Variants in TMC1 observed in about 807,000 individuals in gnomAD.
TMC1 encodes the protein transmembrane channel like 1.
Under a neutral mutation model 105.8 loss-of-function variants are expected in TMC1, and 84 were observed. The observed-to-expected ratio is 0.79, with a 90% CI of 0.67 to 0.95. The LOEUF (loss-of-function observed/expected upper bound fraction) is 0.95, where lower values mean the gene tolerates loss of function less well. TMC1 is among the 40% of genes least tolerant of loss of function. TMC1 has a pLI of 0.00. For synonymous variants in TMC1, 315 were observed against 311.5 expected (o/e 1.01, Z -0.12); for missense variants, 817 against 914.1 (o/e 0.89, Z 1.37).
intron 3 of TMC1, among the ~76,000 whole-genome samples, chr9:72,616,944 T>A (rs1211431475): frequency 6.6e-6 from 1 of 152,196 alleles, no homozygotes; most frequent in Non-Finnish European, 1.5e-5. Flanking sequence ...CTGCTTGCTT[T>A]GACTTTGTAA....
chr9:72,532,345 A>G (rs1317866930), intron 1 of TMC1, among the ~76,000 whole-genome samples: 1 of 151,750 alleles, frequency 6.6e-6, no homozygotes, highest in Non-Finnish European at 1.5e-5. Flanking sequence ...GTTCGAGACC[A>G]GCCTGACCAA....
At position 72,821,343 on chromosome 9, in the gene TMC1, GA is replaced by G. The variant is rs367593296; in HGVS notation, c.2003+271del. Among the ~76,000 whole-genome samples the G allele has an allele frequency of 2.7e-3, 405 of 150,830 alleles. 2 individuals are homozygous for G. Among genetic ancestry groups the G allele is most frequent in the African/African-American group, 8.7e-3 (357 of 41,162 alleles). On this transcript the variant is annotated intron_variant, in intron 20 of 23. Coordinates refer to ENST00000297784, the MANE Select transcript of TMC1 (RefSeq NM_138691.3). ...ACCTCGTCTCTACTAAAAATACAAA[GA>G]AAAAAAAATTAGTCGCGTGTGGTGG...
At chr9:72,641,623 C>G (rs1825629315) in intron 4 of TMC1, among the ~76,000 whole-genome samples, 1 of 152,074 alleles carries the variant, frequency 6.6e-6, no homozygotes, top group Admixed American at 6.6e-5. Flanking sequence ...ATCCTTCTGT[C>G]CCCAAGGTCC....
intron 4 of TMC1, among the ~76,000 whole-genome samples, chr9:72,630,503 G>T (rs72731191): frequency 0.018 from 2,769 of 152,176 alleles, 38 homozygotes; most frequent in Non-Finnish European, 0.027. Flanking sequence ...TTACTGCAGG[G>T]TTTCTTCAAT....
intron 12 of TMC1, among the ~76,000 whole-genome samples, chr9:72,755,812 G>A (rs548057616): frequency 1.3e-5 from 2 of 152,282 alleles, no homozygotes; most frequent in South Asian, 4.1e-4. Context: ...GTGTTAATAT[G>A]TATATCTCAC....
intron 12 of TMC1, among the ~76,000 whole-genome samples, chr9:72,756,510 C>G (rs1341693070): frequency 1.3e-5 from 2 of 152,090 alleles, no homozygotes; most frequent in Non-Finnish European, 2.9e-5. Context: ...CTCCCTTTAT[C>G]CCTCCCTTTA....
rs139102393 is a variant in TMC1, at chr9:72,830,667, G to T, written c.2245G>T (p.Ala749Ser). The T allele has an allele frequency of 7.9e-5, 128 of 1,613,264 alleles. No homozygotes were observed. Among genetic ancestry groups the T allele is most frequent in the Non-Finnish European group, 9.9e-5 (117 of 1,179,718 alleles). The change falls in exon 23 of 24, where the codon GCA becomes TCA. Residue 749 changes from alanine (A) to serine (S), a missense_variant. By Grantham distance (99) the Ala-to-Ser change is moderately conservative. Transcript: ENST00000297784. ...LENKMRNKKM[A>S]AARAAAAAGR... ...GAACAAAATGCGAAACAAGAAAATGGCAGCTGCACGAGCAGGTTGGAGATA... is the reference window on the plus strand; with the variant it reads ...GAACAAAATGCGAAACAAGAAAATGTCAGCTGCACGAGCAGGTTGGAGATA...
intron 2 of TMC1, among the ~76,000 whole-genome samples, chr9:72,592,920 AC>A (rs776025372): frequency 9.2e-5 from 14 of 152,136 alleles, no homozygotes; most frequent in Non-Finnish European, 2.1e-4. Flanking sequence ...GGGTGTGTGA[AC>A]CAGCAATAGC....
At chr9:72,766,348 C>A (rs545133836) in intron 12 of TMC1, among the ~76,000 whole-genome samples, 68 of 149,388 alleles carry the variant, frequency 4.6e-4, no homozygotes, top group African/African-American at 1.7e-3. Context: ...ACCCAGGAGG[C>A]GGAGCTTGCA....
At chr9:72,603,385 C>CTA (rs1391749401) in intron 2 of TMC1, among the ~76,000 whole-genome samples, 63 of 99,026 alleles carry the variant, frequency 6.4e-4, no homozygotes, top group African/African-American at 2.8e-3. Flanking sequence ...TCTCTCCCCA[C>CTA]TACACACACA....
chr9:72,810,475 A>T (rs1198083322), intron 18 of TMC1, among the ~76,000 whole-genome samples: 1 of 152,240 alleles, frequency 6.6e-6, no homozygotes, highest in Non-Finnish European at 1.5e-5. Context: ...AGTAAAAATC[A>T]TAGGTAATCT....
At chr9:72,692,701 G>A (rs902148934) in intron 6 of TMC1, among the ~76,000 whole-genome samples, 1 of 152,132 alleles carries the variant, frequency 6.6e-6, no homozygotes, top group Non-Finnish European at 1.5e-5. Flanking sequence ...TAAAAGCAGG[G>A]TAAATATTCA....
chr9:72,528,554 G>A (rs974993247), intron 1 of TMC1, among the ~76,000 whole-genome samples: 52 of 152,082 alleles, frequency 3.4e-4, no homozygotes, highest in African/African-American at 1.1e-3. Flanking sequence ...GGCTGGTCTC[G>A]AACTCCTGAC....
chr9:72,732,615 C>A (rs954417061), intron 8 of TMC1, among the ~76,000 whole-genome samples: 8 of 151,340 alleles, frequency 5.3e-5, no homozygotes, highest in African/African-American at 1.7e-4. Context: ...CTAAAAGCAT[C>A]ATTTACCTGG....
At chr9:72,761,976 C>G (rs974602633) in intron 12 of TMC1, among the ~76,000 whole-genome samples, 1 of 151,982 alleles carries the variant, frequency 6.6e-6, no homozygotes, top group Non-Finnish European at 1.5e-5. Context: ...GTGTAGACAT[C>G]AAAATTATGT....
At chr9:72,640,541 A>G (rs1825608497) in intron 4 of TMC1, among the ~76,000 whole-genome samples, 1 of 152,248 alleles carries the variant, frequency 6.6e-6, no homozygotes, top group Non-Finnish European at 1.5e-5. Context: ...GAATCAGGCA[A>G]CATTTAGGAA....
intron 10 of TMC1, among the ~76,000 whole-genome samples, chr9:72,744,723 A>G (rs1827461053): frequency 6.6e-6 from 1 of 152,216 alleles, no homozygotes; most frequent in African/African-American, 2.4e-5. Context: ...ATGATAGGTA[A>G]ATATATACAT....
intron 8 of TMC1, among the ~76,000 whole-genome samples, chr9:72,739,183 T>C (rs547916149): frequency 6.6e-6 from 1 of 152,308 alleles, no homozygotes; most frequent in South Asian, 2.1e-4. Context: ...AGGTTGCAGA[T>C]GGCTGGCTCC....
chr9:72,548,232 A>G (rs1823803713), intron 1 of TMC1, among the ~76,000 whole-genome samples: 1 of 152,216 alleles, frequency 6.6e-6, no homozygotes, highest in Non-Finnish European at 1.5e-5. Flanking sequence ...TTATTAAAGG[A>G]TAAGTAAAAA....
Sources: gnomAD v4.1 joint callset for allele counts (sites outside exome capture counted in the v4.1 genomes callset) on GRCh38, gnomAD v4.1.1 for gene constraint, MANE v1.5 for transcripts, NCBI Gene and HGNC (gene_info 2026-07-23, HGNC 2026-07-21) for gene names.